Variants in NOL10 observed in about 807,000 individuals in gnomAD.
The protein encoded by NOL10 is H_NH0074G24.1.
In NOL10, 58 loss-of-function variants were observed where a neutral mutation model predicts 103.5. The observed-to-expected ratio is 0.56, with a 90% CI of 0.45 to 0.70. The LOEUF is 0.70. Among genes scored for constraint, NOL10 ranks in the 30% least tolerant of loss-of-function variants. The pLI, the probability that NOL10 is intolerant of heterozygous loss-of-function variation, is 0.00. For synonymous variants in NOL10, 287 were observed against 282.5 expected (o/e 1.02, Z -0.16); for missense variants, 763 against 807.3 (o/e 0.95, Z 0.67).
chr2:10,664,365 T>C (rs1680439541), intron 8 of NOL10, among the ~76,000 whole-genome samples: 2 of 152,000 alleles, frequency 1.3e-5, no homozygotes, highest in South Asian at 4.2e-4. Context: ...GAGGCAGACA[T>C]TGCGGTGAGC....
intron 2 of NOL10, 35 bp downstream of exon 2, chr2:10,684,532 C>T (rs1682011825): frequency 6.6e-7 from 1 of 1,521,934 alleles, no homozygotes; most frequent in South Asian, 1.2e-5. Flanking sequence ...ACATGGATCA[C>T]TAACGCAGCT....
intron 15 of NOL10, 100 bp downstream of exon 15, chr2:10,602,978 C>T (rs766065480): frequency 2.0e-5 from 25 of 1,228,604 alleles, no homozygotes; most frequent in Non-Finnish European, 2.8e-5. Flanking sequence ...AGATCCCCTA[C>T]AAATCCTATG....
At chr2:10,679,930 T>G (rs973888944) in intron 3 of NOL10, among the ~76,000 whole-genome samples, 1 of 151,622 alleles carries the variant, frequency 6.6e-6, no homozygotes, top group Non-Finnish European at 1.5e-5. Context: ...CCACATATTA[T>G]TTATTAAATA....
rs146504206 is a variant in NOL10 at position 10,614,944 on chromosome 2, C to T, written c.1027-7633G>A. On this transcript the variant is annotated intron_variant, in intron 13 of 20. Coordinates refer to ENST00000381685, the MANE Select transcript of NOL10 (RefSeq NM_024894.4). ...CTCAAAAGAAAATTTTCTTTTCCAG[C>T]TTTTCTTCCATTATTGTTGGAAAGG... Among the ~76,000 whole-genome samples the T allele has an allele frequency of 9.1e-3, 1,390 of 152,296 alleles. 17 individuals carry two copies. Among genetic ancestry groups the T allele is most frequent in the African/African-American group, 0.031 (1,273 of 41,554 alleles).
chr2:10,654,395 T>C (rs1017818763), intron 12 of NOL10, 86 bp downstream of exon 12: 29 of 966,826 alleles, frequency 3.0e-5, no homozygotes, highest in Admixed American at 5.9e-5. Context: ...TAAAAAAGTA[T>C]AGCCTTTTTA....
At chr2:10,666,432 C>T (rs527574675) in intron 8 of NOL10, among the ~76,000 whole-genome samples, 9 of 152,096 alleles carry the variant, frequency 5.9e-5, no homozygotes, top group African/African-American at 1.2e-4. Context: ...CTGCAACCTC[C>T]GCCCCCCTGC....
At position 10,657,782 on chromosome 2, in the gene NOL10, G is replaced by C; in HGVS notation, c.866C>G (p.Ser289Cys). 1 of 1,551,192 alleles carries C rather than the reference G, an allele frequency of 6.4e-7. No homozygotes were observed. Among genetic ancestry groups the C allele is most frequent in the Non-Finnish European group, 8.7e-7 (1 of 1,146,740 alleles). ...CATCTTGACAATTCGAGAGTCAGCAGACAAAATCAGATCTAATGAATCCTG... is the reference window on the plus strand; with the variant it reads ...CATCTTGACAATTCGAGAGTCAGCACACAAAATCAGATCTAATGAATCCTG... ...HFQDSLDLIL[S>C]ADSRIVKMWN... Residue 289 changes from serine (S) to cysteine (C), a missense_variant, in exon 11 of 21, where the codon TCT becomes TGT. Coordinates refer to ENST00000381685, the MANE Select transcript of NOL10 (RefSeq NM_024894.4).
At chr2:10,585,023 C>T (rs1227268210) in intron 19 of NOL10, among the ~76,000 whole-genome samples, 1 of 152,154 alleles carries the variant, frequency 6.6e-6, no homozygotes, top group East Asian at 1.9e-4. Flanking sequence ...ACAACTGCTC[C>T]CAGATTTTCC....
intron 13 of NOL10, among the ~76,000 whole-genome samples, chr2:10,613,327 A>C (rs1182856090): frequency 3.3e-5 from 5 of 152,248 alleles, no homozygotes; most frequent in Non-Finnish European, 7.3e-5. Flanking sequence ...CAAAAAGTTA[A>C]CTGAGCATTT....
At chr2:10,641,338 CA>C (rs1028480294) in intron 13 of NOL10, among the ~76,000 whole-genome samples, 7 of 129,722 alleles carry the variant, frequency 5.4e-5, no homozygotes, top group African/African-American at 1.8e-4. Flanking sequence ...AACTCCGTCT[CA>C]AAAAAAAACA....
rs551675789 is a variant in NOL10 at position 10,630,112 on chromosome 2, A to G, written c.1026+14208T>C. ...CTTAATGACTTAATTTTATCCAAAT[A>G]CTCTTTGCCACCCACGGACCCCGTG... is the stretch of plus-strand genomic sequence containing the variant. On this transcript the variant is annotated intron_variant, in intron 13 of 20. Transcript: ENST00000381685. Among the ~76,000 whole-genome samples, 108 of 152,252 alleles carry G rather than the reference A, an allele frequency of 7.1e-4. 1 individual carries two copies. The highest frequency in any genetic ancestry group is 2.5e-3 in the African/African-American group (104 of 41,542).
chr2:10,627,678 A>AC (rs1558301571), intron 13 of NOL10, among the ~76,000 whole-genome samples: 59 of 148,446 alleles, frequency 4.0e-4, no homozygotes, highest in African/African-American at 1.5e-3. Context: ...CCGTCTCAAA[A>AC]AAAACAAACA....
intron 13 of NOL10, among the ~76,000 whole-genome samples, chr2:10,635,806 CTACATTTACT>C (rs1482133926): frequency 1.3e-5 from 2 of 152,156 alleles, no homozygotes; most frequent in Non-Finnish European, 2.9e-5. Context: ...TGTTGGTCTC[CTACATTTACT>C]TTTATAATAT....
At chr2:10,668,619 G>T in intron 7 of NOL10, 39 bp downstream of exon 7, 1 of 1,114,132 alleles carries the variant, frequency 9.0e-7, no homozygotes, top group South Asian at 1.6e-5. Flanking sequence ...TCCACCTCCT[G>T]GTCAAAATGT....
At chr2:10,609,200 TG>T (rs1209365915) in intron 13 of NOL10, among the ~76,000 whole-genome samples, 24 of 151,130 alleles carry the variant, frequency 1.6e-4, no homozygotes, top group African/African-American at 5.6e-4. Flanking sequence ...ACACACACAA[TG>T]TGTGTGCAAT....
chr2:10,584,736 GAA>G (rs1050383777), intron 19 of NOL10, among the ~76,000 whole-genome samples: 3 of 152,136 alleles, frequency 2.0e-5, no homozygotes, highest in Non-Finnish European at 2.9e-5. Context: ...AACTTAGTAA[GAA>G]TGTTTAACTT....
chr2:10,677,777 A>C (rs1451509520), intron 3 of NOL10, among the ~76,000 whole-genome samples: 3 of 152,120 alleles, frequency 2.0e-5, no homozygotes, highest in Non-Finnish European at 4.4e-5. Context: ...CCAGCTTAAA[A>C]AAGAGAAGTT....
Position 10,668,696 on chromosome 2 carries a change from T to G in NOL10, c.492A>C (p.Glu164Asp), listed in dbSNP as rs776575334. ...ASSEVYRLNL[E>D]QGRYLNPLQT... ...GTAGAGGATTCAGGTATCGTCCTTG[T>G]TCTAAGTTTAACCTATAAACTTCAG... The change falls in exon 7 of 21, where the codon GAA becomes GAC. Residue 164 changes from glutamate to aspartate, a missense_variant. Transcript: ENST00000381685. 2.6e-6 allele frequency: 4 copies of G among 1,546,172 alleles called. No homozygotes were observed. In the African/African-American group the frequency reaches 5.4e-5, roughly 21 times the overall value.
chr2:10,604,925 G>A (rs902079330), intron 14 of NOL10: 2 of 152,210 alleles, frequency 1.3e-5, no homozygotes, highest in African/African-American at 4.8e-5. Context: ...GCTCTAAGAA[G>A]TATGCGAGGT....
Sources: gnomAD v4.1 joint callset for allele counts (sites outside exome capture counted in the v4.1 genomes callset) on GRCh38, gnomAD v4.1.1 for gene constraint, MANE v1.5 for transcripts, NCBI Gene and HGNC (gene_info 2026-07-23, HGNC 2026-07-21) for gene names.